Variants in NFATC2 observed in about 807,000 individuals in gnomAD.
The protein encoded by NFATC2 is nuclear factor of activated T cells 2, also known as nuclear factor of activated T-cells, cytoplasmic 2.
A neutral mutation model predicts 87.3 loss-of-function variants in NFATC2; 22 were observed. The observed-to-expected ratio is 0.25, with a 90% CI of 0.18 to 0.36. The LOEUF is 0.36. NFATC2 is among the 10% of genes least tolerant of loss of function. NFATC2 has a pLI of 1.00. For synonymous variants in NFATC2, 565 were observed against 542.2 expected, an observed-to-expected ratio of 1.04 and a Z score of -0.58; for missense variants, 1,149 against 1,259.1, an observed-to-expected ratio of 0.91 and a Z score of 1.32.
chr20:51,391,954 C>G (rs1986405430), intron 10 of NFATC2, among the ~76,000 whole-genome samples: 1 of 152,156 alleles, frequency 6.6e-6, no homozygotes, highest in African/African-American at 2.4e-5. Context: ...GAAAATTGCT[C>G]AAATGGTAAC....
intron 3 of NFATC2, among the ~76,000 whole-genome samples, chr20:51,500,847 C>A: frequency 3.5e-5 from 1 of 28,416 alleles, no homozygotes; most frequent in Non-Finnish European, 6.5e-5. Context: ...CCACCCTCAC[C>A]CTCCCAGGCA....
chr20:51,428,644 G>A (rs376073119), intron 9 of NFATC2, among the ~76,000 whole-genome samples: 2 of 152,176 alleles, frequency 1.3e-5, no homozygotes, highest in South Asian at 4.1e-4. Flanking sequence ...ACTCAGAGCC[G>A]GGGGCTTCCC....
intron 6 of NFATC2, among the ~76,000 whole-genome samples, chr20:51,452,135 G>A (rs550140350): frequency 2.8e-4 from 43 of 152,160 alleles, no homozygotes; most frequent in African/African-American, 6.5e-4. Flanking sequence ...CTCAAGCAAC[G>A]CTACTCCTCA....
Position 51,542,635 on chromosome 20 carries a change from G to A in NFATC2, c.-136C>T, listed in dbSNP as rs1185808771. ...CCTCGTAGGGACGCACGCCGGGTCC[G>A]GGGACGGCGCGCCTGGCGCAGCGGG... is the stretch of plus-strand genomic sequence containing the variant. On this transcript the variant is annotated 5_prime_UTR_variant, in exon 1 of 11. Coordinates refer to ENST00000371564, the MANE Select transcript of NFATC2 (RefSeq NM_012340.5). 19 of 1,195,986 alleles carry A rather than the reference G, an allele frequency of 1.6e-5. No individual in the cohort carries two copies. The highest frequency in any genetic ancestry group is 4.1e-5 in the South Asian group (1 of 24,326). The allele number at this position is 1,195,986 out of a possible 1,614,324, so 74.1% of individuals were successfully genotyped here. A position where few individuals can be genotyped will look rare whatever the true frequency, so the allele number is the denominator to read the frequency against.
At position 51,561,435 on chromosome 20, in the gene NFATC2, G is replaced by A. The variant is rs926410302; in HGVS notation, c.70+1125C>T. Among the ~76,000 whole-genome samples, 17 of 59,260 alleles carry A rather than the reference G, an allele frequency of 2.9e-4. No individual in the cohort carries two copies. In the Middle Eastern group the frequency reaches 0.036, roughly 127 times the overall value. The allele number at this position is 59,260 out of a possible 152,430, so 38.9% of individuals were successfully genotyped here. ...AAGAAAGAAAGAGAGAGAAAGAAAA[G>A]AAAGAAAGAAAGAAAGAAAGAAAGA... On this transcript the variant is annotated intron_variant, in intron 1 of 10. Transcript: ENST00000414705.
intron 3 of NFATC2, among the ~76,000 whole-genome samples, chr20:51,479,379 A>G (rs1989030014): frequency 6.6e-6 from 1 of 152,174 alleles, no homozygotes; most frequent in African/African-American, 2.4e-5. Context: ...GCACATTGGG[A>G]GGCCAAGGTG....
At chr20:51,530,509 C>T (rs1020407218) in intron 1 of NFATC2, among the ~76,000 whole-genome samples, 2 of 152,100 alleles carry the variant, frequency 1.3e-5, no homozygotes, top group Admixed American at 6.5e-5. Flanking sequence ...GAGAAAATAG[C>T]GCTGAAAAAT....
chr20:51,397,646 A>AAAGTCCTG (rs1987375438), intron 10 of NFATC2, among the ~76,000 whole-genome samples: 1 of 152,268 alleles, frequency 6.6e-6, no homozygotes, highest in Non-Finnish European at 1.5e-5. Context: ...TCAGATGCAA[A>AAAGTCCTG]AAGTCCTGAG....
At chr20:51,556,608 G>C (rs1206908692) in intron 1 of NFATC2, among the ~76,000 whole-genome samples, 4 of 152,202 alleles carry the variant, frequency 2.6e-5, no homozygotes, top group African/African-American at 9.6e-5. Context: ...TCTAAGAGGA[G>C]ATGGAAACTG....
At chr20:51,496,756 C>A (rs554791627) in intron 3 of NFATC2, among the ~76,000 whole-genome samples, 57 of 152,300 alleles carry the variant, frequency 3.7e-4, no homozygotes, top group Admixed American at 2.6e-4. Flanking sequence ...GGTCATCCGG[C>A]TCCATCTTTC....
intron 9 of NFATC2, among the ~76,000 whole-genome samples, chr20:51,417,084 T>G (rs1490690215): frequency 6.6e-6 from 1 of 152,166 alleles, no homozygotes; most frequent in Non-Finnish European, 1.5e-5. Flanking sequence ...CTCACACACG[T>G]GCCTCTAACC....
chr20:51,522,321 G>C (rs1449357005), intron 2 of NFATC2, among the ~76,000 whole-genome samples: 3 of 152,166 alleles, frequency 2.0e-5, no homozygotes, highest in Non-Finnish European at 4.4e-5. Context: ...TGATTGATTA[G>C]TGATGTCTGC....
intron 5 of NFATC2, among the ~76,000 whole-genome samples, chr20:51,457,886 CTTTTT>C (rs11325400): frequency 1.5e-5 from 2 of 132,932 alleles, no homozygotes; most frequent in African/African-American, 2.7e-5. Context: ...CCTCCTCGTC[CTTTTT>C]TTTTTTTTTT....
intron 9 of NFATC2, among the ~76,000 whole-genome samples, chr20:51,429,453 C>T (rs1382219456): frequency 2.0e-5 from 3 of 152,242 alleles, no homozygotes; most frequent in Admixed American, 6.5e-5. Context: ...ATTGAGAAGC[C>T]GGACTATGGC....
chr20:51,544,088 C>T (rs1005503819), upstream of NFATC2, among the ~76,000 whole-genome samples: 5 of 144,192 alleles, frequency 3.5e-5, no homozygotes, highest in East Asian at 4.4e-4. Flanking sequence ...TCTGGGTTCA[C>T]GCCATTCTCC....
chr20:51,458,834 A>G (rs1018959409), intron 5 of NFATC2, among the ~76,000 whole-genome samples: 3 of 152,050 alleles, frequency 2.0e-5, no homozygotes, highest in Non-Finnish European at 4.4e-5. Context: ...AAATCTTCAA[A>G]TGATTACAAG....
intron 1 of NFATC2, among the ~76,000 whole-genome samples, chr20:51,558,078 T>C (rs1324627463): frequency 2.0e-5 from 3 of 152,164 alleles, no homozygotes; most frequent in Non-Finnish European, 4.4e-5. Context: ...TGGTAGCTCA[T>C]GCCTGTAAAC....
chr20:51,510,085 G>A (rs779951134), intron 3 of NFATC2, among the ~76,000 whole-genome samples: 5 of 152,200 alleles, frequency 3.3e-5, no homozygotes, highest in South Asian at 2.1e-4. Context: ...ACGCTTCCAC[G>A]TTCTCATATT....
chr20:51,479,820 C>A (rs879784450), intron 3 of NFATC2, among the ~76,000 whole-genome samples: 1 of 152,172 alleles, frequency 6.6e-6, no homozygotes, highest in Non-Finnish European at 1.5e-5. Context: ...GAGCATAGGG[C>A]AGAGCCAGGC....
Sources: allele counts gnomAD v4.1 joint callset (sites outside exome capture counted in the v4.1 genomes callset), GRCh38; gene constraint gnomAD v4.1.1; transcripts MANE v1.5; gene names NCBI Gene and HGNC (gene_info 2026-07-23, HGNC 2026-07-21).